The following KCTD3 variants were observed in gnomAD, a reference collection of about 807,000 sequenced individuals.
KCTD3 encodes potassium channel tetramerization domain containing 3.
Under a neutral mutation model 85.8 loss-of-function variants are expected in KCTD3, and 41 were observed. The observed-to-expected ratio is 0.48, with a 90% CI of 0.37 to 0.62. The LOEUF (loss-of-function observed/expected upper bound fraction) is 0.62. KCTD3 is among the 20% of genes least tolerant of loss of function. The probability of loss-of-function intolerance (pLI) is 0.00; values close to 1 mark genes in which losing one functional copy is unlikely to be tolerated. For missense variants in KCTD3, 724 were observed against 989.9 expected, an observed-to-expected ratio of 0.73 and a Z score of 3.60; for synonymous variants, 338 against 345.4, an observed-to-expected ratio of 0.98 and a Z score of 0.24.
chr1:215,607,874 G>A, intron 13 of KCTD3, 143 bp from the exon 14 acceptor site: 1 of 538,778 alleles, frequency 1.9e-6, no homozygotes. Context: ...TTGTTAAGTA[G>A]TCACAAATCA....
Position 215,619,359 on chromosome 1 carries a change from A to C in KCTD3, c.1886+68A>C. ...TTGGGGAAATTGACTGAAATATTGTAATCACATAGTTGTTCTAGAAAGCCA... is the reference window on the plus strand; with the variant it reads ...TTGGGGAAATTGACTGAAATATTGTCATCACATAGTTGTTCTAGAAAGCCA... On this transcript the variant is annotated intron_variant, in intron 17 of 17. Transcript: ENST00000259154. 3 of 1,297,394 alleles carry C rather than the reference A, an allele frequency of 2.3e-6. No individual in the cohort carries two copies. In the Admixed American group the frequency reaches 5.6e-5, roughly 24 times the overall value. 80.4% of individuals were successfully genotyped at this position (1,297,394 alleles called of 1,614,324 possible).
rs1012554618 is a variant in KCTD3, at chr1:215,578,912, A to G, written c.398-88A>G. On this transcript the variant is annotated intron_variant, in intron 6 of 17. Transcript: ENST00000259154. ...ATGTATTTCGGCTTTAATGAAATTC[A>G]CATTTTTGTTTCTTTGTCACAATGT... The G allele has an allele frequency of 8.2e-5, 68 of 829,058 alleles. No individual in the cohort carries two copies. In the African/African-American group the frequency reaches 1.2e-3, roughly 14 times the overall value. The allele number at this position is 829,058 out of a possible 1,614,324, so 51.4% of individuals were successfully genotyped here.
intron 9 of KCTD3, among the ~76,000 whole-genome samples, chr1:215,591,324 T>TTCCC (rs1660203516): frequency 1.3e-5 from 2 of 148,938 alleles, no homozygotes; most frequent in African/African-American, 5.0e-5. Flanking sequence ...CCTTCCTTCC[T>TTCCC]TCCTTCCTTC....
At chr1:215,617,894 C>T (rs1655518692) in intron 15 of KCTD3, among the ~76,000 whole-genome samples, 4 of 148,792 alleles carry the variant, frequency 2.7e-5, no homozygotes, top group Non-Finnish European at 5.9e-5. Context: ...TGTATATCTT[C>T]TAGTGACTCC....
chr1:215,567,775 C>G lies in KCTD3; in HGVS notation c.83+7C>G, dbSNP rs753077953. 9.7e-6 allele frequency: 12 copies of G among 1,242,028 alleles called. No homozygotes were observed. The Admixed American group carries it at 2.1e-4, about 22-fold the overall frequency. 76.9% of individuals were successfully genotyped at this position (1,242,028 alleles called of 1,614,324 possible). A position where few individuals can be genotyped will look rare whatever the true frequency, so the allele number is the denominator to read the frequency against. On this transcript the variant is annotated splice_region_variant and intron_variant, in intron 1 of 17. Coordinates refer to ENST00000259154, the MANE Select transcript of KCTD3 (RefSeq NM_016121.5). ...TGAACGTAGGGGGGACCAGGTGAGTCGGCGGGTAGCGGGCTTGCAGCGGGG... is the reference window on the plus strand; with the variant it reads ...TGAACGTAGGGGGGACCAGGTGAGTGGGCGGGTAGCGGGCTTGCAGCGGGG...
chr1:215,614,678 A>G (rs1479179083), intron 15 of KCTD3, among the ~76,000 whole-genome samples: 1 of 152,122 alleles, frequency 6.6e-6, no homozygotes, highest in Non-Finnish European at 1.5e-5. Context: ...TTGTTTTTTA[A>G]AACTTTGCTG....
At chr1:215,576,965 G>C (rs1659610251) in intron 4 of KCTD3, among the ~76,000 whole-genome samples, 1 of 151,904 alleles carries the variant, frequency 6.6e-6, no homozygotes, top group South Asian at 2.1e-4. Context: ...TCAAGGCTGG[G>C]GAATATTTTT....
intron 9 of KCTD3, among the ~76,000 whole-genome samples, chr1:215,586,928 G>A (rs995411760): frequency 1.3e-5 from 2 of 151,976 alleles, no homozygotes; most frequent in Non-Finnish European, 2.9e-5. Context: ...TGCTTTTCCT[G>A]AATCCCACTT....
rs540610068 is a variant in KCTD3, at chr1:215,600,936, C to T, written c.934-931C>T. Among the ~76,000 whole-genome samples the T allele has an allele frequency of 2.9e-4, 44 of 151,392 alleles. 2 individuals carry two copies. The South Asian group carries it at 5.2e-3, about 18-fold the overall frequency. ...ATAGTATTGCAACTATCCTAGCAAACACATTTTTTTTTTTTTTTGGATACC... is the reference window on the plus strand; with the variant it reads ...ATAGTATTGCAACTATCCTAGCAAATACATTTTTTTTTTTTTTTGGATACC... On this transcript the variant is annotated intron_variant, in intron 10 of 17. Transcript: ENST00000259154.
chr1:215,611,856 G>T lies in KCTD3; in HGVS notation c.1497G>T (p.Val499=), dbSNP rs1655246771. ...GPFGERDDQQ[V]FIQKVVPITN... ...TTGGAGAGCGAGACGATCAACAGGT[G>T]TTTATCCAGAAAGTTGTTCCCATCA... Residue 499 remains valine (V), a synonymous_variant, in exon 15 of 18, where the codon GTG becomes GTT. Coordinates refer to ENST00000259154, the MANE Select transcript of KCTD3 (RefSeq NM_016121.5). The T allele has an allele frequency of 1.2e-6, 2 of 1,608,964 alleles. No homozygotes were observed. The highest frequency in any genetic ancestry group is 1.7e-6 in the Non-Finnish European group (2 of 1,176,518).
In KCTD3 at chr1:215,608,195, A is replaced by G. The variant is rs1357072012; in HGVS notation, c.1465+23A>G. ...TAGGTGGGTTAGGTTATTTTAGGGC[A>G]TTTTTAGGTACTATATTAACTGTTC... On this transcript the variant is annotated intron_variant, in intron 14 of 17. Coordinates refer to ENST00000259154, the MANE Select transcript of KCTD3 (RefSeq NM_016121.5). 4.4e-6 allele frequency: 7 copies of G among 1,580,726 alleles called. No homozygotes were observed. The Admixed American group carries it at 1.1e-4, about 24-fold the overall frequency.
Position 215,575,994 on chromosome 1 carries a change from T to A in KCTD3, c.257+20T>A, listed in dbSNP as rs1162616038. 1.7e-6 allele frequency: 2 copies of A among 1,184,330 alleles called. No individual in the cohort carries two copies. Among genetic ancestry groups the A allele is most frequent in the Admixed American group, 2.2e-5 (1 of 45,086 alleles). The allele number at this position is 1,184,330 out of a possible 1,614,324, so 73.4% of individuals were successfully genotyped here. A position where few individuals can be genotyped will look rare whatever the true frequency, so the allele number is the denominator to read the frequency against. ...CTTAAGGTAAGAAATGCACTCTTTTTAAAGTAAATTCTTACTGATAAATAT... is the reference window on the plus strand; with the variant it reads ...CTTAAGGTAAGAAATGCACTCTTTTAAAAGTAAATTCTTACTGATAAATAT... On this transcript the variant is annotated intron_variant, in intron 4 of 17. Transcript: ENST00000259154.
chr1:215,575,860 T>G, intron 3 of KCTD3, 41 bp from the exon 4 acceptor site: 1 of 1,114,236 alleles, frequency 9.0e-7, no homozygotes, highest in East Asian at 2.5e-5. Context: ...GTTAAAAGAT[T>G]AATTTGTAAT....
chr1:215,585,180 A>G (rs532840672), intron 8 of KCTD3, among the ~76,000 whole-genome samples: 26 of 152,302 alleles, frequency 1.7e-4, no homozygotes, highest in African/African-American at 5.8e-4. Flanking sequence ...AAGTAAAAGA[A>G]TAAGAGAATG....
At chr1:215,595,492 A>G (rs1660386467) in intron 10 of KCTD3, 21 bp downstream of exon 10, 1 of 1,360,888 alleles carries the variant, frequency 7.3e-7, no homozygotes, top group Non-Finnish European at 1.0e-6. Context: ...AGCATATTAC[A>G]GAAGTGAAAA....
chr1:215,602,874 T>C (rs776348973), intron 12 of KCTD3, among the ~76,000 whole-genome samples: 4 of 152,296 alleles, frequency 2.6e-5, no homozygotes, highest in Non-Finnish European at 5.9e-5. Flanking sequence ...AAACCATAAT[T>C]TTTAGTATGA....
At chr1:215,619,929 A>G (rs1655599054) in intron 17 of KCTD3, 128 bp from the exon 18 acceptor site, 1 of 589,040 alleles carries the variant, frequency 1.7e-6, no homozygotes, top group South Asian at 4.4e-5. Flanking sequence ...ATATTTTTAC[A>G]AAGAGAAATA....
chr1:215,620,473 A>G lies in KCTD3; in HGVS notation c.2303A>G (p.Lys768Arg). The change falls in exon 18 of 18, where the codon AAG becomes AGG. Residue 768 changes from lysine (K) to arginine (R), a missense_variant. By Grantham distance (26) the Lys-to-Arg change is conservative (BLOSUM62 2). Transcript: ENST00000259154. The stretch of plus-strand genomic sequence containing the variant: ...GAAGGGGGAGGATTCCTTGGAAGAA[A>G]GAAAGTTCCCTATCTGGCGTCATCA... ...GFEGGGFLGR[K>R]KVPYLASSPS... The G allele has an allele frequency of 6.2e-7, 1 of 1,613,890 alleles. No individual in the cohort carries two copies. The highest frequency in any genetic ancestry group is 2.2e-5 in the East Asian group (1 of 44,876).
Position 215,601,875 on chromosome 1 carries a change from T to A in KCTD3, c.942T>A (p.Asp314Glu), listed in dbSNP as rs1654849191. 1.3e-6 allele frequency: 2 copies of A among 1,569,534 alleles called. No homozygotes were observed. Among genetic ancestry groups the A allele is most frequent in the Non-Finnish European group, 1.8e-6 (2 of 1,141,268 alleles). ...NAVTQHWQVQDVVPITSYDTA... is the reference protein window; with the variant it reads ...NAVTQHWQVQEVVPITSYDTA... ...TACTCTCACTACATCAGGTTCAAGA[T>A]GTTGTTCCTATAACTAGTTATGACA... The change falls in exon 11 of 18, where the codon GAT (aspartate) becomes GAA (glutamate). Residue 314 changes from aspartate (D) to glutamate (E), a missense_variant. By Grantham distance (45) the Asp-to-Glu change is conservative. Coordinates refer to ENST00000259154, the MANE Select transcript of KCTD3 (RefSeq NM_016121.5).
Sources: gnomAD v4.1 joint callset for allele counts (sites outside exome capture counted in the v4.1 genomes callset) on GRCh38, gnomAD v4.1.1 for gene constraint, MANE v1.5 for transcripts, NCBI Gene and HGNC (gene_info 2026-07-23, HGNC 2026-07-21) for gene names.